MACROH2A2: variants seen among roughly 807,000 people sequenced by gnomAD.
MACROH2A2 encodes macroH2A.2 histone, also known as core histone macro-H2A.2.
MACROH2A2 carries 6 observed loss-of-function variants against 37.6 expected under a neutral mutation model. The observed-to-expected ratio is 0.16, with a 90% confidence interval of 0.09 to 0.32. MACROH2A2 has a LOEUF of 0.32. Among genes scored for constraint, MACROH2A2 ranks in the 10% least tolerant of loss-of-function variants. The probability of loss-of-function intolerance (pLI) is 1.00; values close to 1 mark genes in which losing one functional copy is unlikely to be tolerated. For missense variants in MACROH2A2, 290 were observed against 485.9 expected, an observed-to-expected ratio of 0.60 and a Z score of 3.79; for synonymous variants, 192 against 202.7, an observed-to-expected ratio of 0.95 and a Z score of 0.45.
chr10:70,069,145 G>A (rs1403700129), intron 1 of MACROH2A2, among the ~76,000 whole-genome samples: 1 of 152,200 alleles, frequency 6.6e-6, no homozygotes, highest in African/African-American at 2.4e-5. Context: ...TTTACCCGGT[G>A]TTATATATAA....
rs2071983501 is a variant in MACROH2A2, at chr10:70,052,915, G to T, written c.-145G>T. 6.6e-6 allele frequency: 1 copy of T among 152,668 alleles called. No homozygotes were observed. Among genetic ancestry groups the T allele is most frequent in the South Asian group, 2.1e-4 (1 of 4,832 alleles). 9.5% of individuals were successfully genotyped at this position (152,668 alleles called of 1,614,324 possible). A position where few individuals can be genotyped will look rare whatever the true frequency, so the allele number is the denominator to read the frequency against. ...AAAGAAAGGCAAAGAGTCCTGCCCG[G>T]CACCGGCGCCGCGTGGGCCAAACCT... On this transcript the variant is annotated 5_prime_UTR_variant, in exon 1 of 9. Transcript: ENST00000373255.
Position 70,082,332 on chromosome 10 carries a change from C to T in MACROH2A2, c.172+6502C>T, listed in dbSNP as rs1240206156. Among the ~76,000 whole-genome samples, 4 of 151,686 alleles carry T rather than the reference C, an allele frequency of 2.6e-5. No homozygotes were observed. In the South Asian group the frequency reaches 6.2e-4, roughly 24 times the overall value. On this transcript the variant is annotated intron_variant, in intron 2 of 8. Transcript: ENST00000373255. The stretch of plus-strand genomic sequence containing the variant: ...GCCGGGGAGGCTGAGGCAGAAGAAT[C>T]GCTTGAACCCGGGAGGCGGAGGTTG...
At chr10:70,087,691 C>G (rs934929806) in intron 2 of MACROH2A2, among the ~76,000 whole-genome samples, 12 of 152,234 alleles carry the variant, frequency 7.9e-5, no homozygotes, top group Admixed American at 6.5e-5. Flanking sequence ...CCCTATCCCA[C>G]TGTCCCGACA....
At chr10:70,103,657 C>G (rs767789076) in intron 7 of MACROH2A2, among the ~76,000 whole-genome samples, 2 of 152,196 alleles carry the variant, frequency 1.3e-5, no homozygotes, top group East Asian at 1.9e-4. Flanking sequence ...AATCCAAAAC[C>G]TGGAGTGTTG....
At chr10:70,084,458 G>C (rs184495572) in intron 2 of MACROH2A2, among the ~76,000 whole-genome samples, 231 of 152,292 alleles carry the variant, frequency 1.5e-3, no homozygotes, top group African/African-American at 5.3e-3. Flanking sequence ...AGGCTCAGGC[G>C]GGAGAATCAC....
chr10:70,058,159 AC>A (rs2072028683), intron 1 of MACROH2A2, among the ~76,000 whole-genome samples: 1 of 152,254 alleles, frequency 6.6e-6, no homozygotes, highest in African/African-American at 2.4e-5. Context: ...AGAACTCTGT[AC>A]TTTAAGCTGT....
chr10:70,072,674 T>C (rs10999120), intron 1 of MACROH2A2, among the ~76,000 whole-genome samples: 22,931 of 152,122 alleles, frequency 0.15, 1,907 homozygotes, highest in East Asian at 0.25. Flanking sequence ...GTCACTAGGT[T>C]GGCCAGGTGT....
intron 1 of MACROH2A2, among the ~76,000 whole-genome samples, chr10:70,055,548 G>GAAATAAAATA (rs60686739): frequency 6.6e-6 from 1 of 151,874 alleles, no homozygotes; most frequent in African/African-American, 2.4e-5. Flanking sequence ...GGAAAGAAAT[G>GAAATAAAATA]AAATATAAGG....
Position 70,066,026 on chromosome 10 carries a change from C to T in MACROH2A2, c.-59-9574C>T, listed in dbSNP as rs183386835. Among the ~76,000 whole-genome samples, 13 of 152,272 alleles carry T rather than the reference C, an allele frequency of 8.5e-5. No individual in the cohort carries two copies. In the East Asian group the frequency reaches 2.5e-3, roughly 29 times the overall value. On this transcript the variant is annotated intron_variant, in intron 1 of 8. Coordinates refer to ENST00000373255, the MANE Select transcript of MACROH2A2 (RefSeq NM_018649.3). Reference sequence around the variant, plus strand: ...TTTCTGTAAGAAAACAAAGTTTAGGCCAGATGTGGTGGCTTATGCCTTTAA... The same window carrying T: ...TTTCTGTAAGAAAACAAAGTTTAGGTCAGATGTGGTGGCTTATGCCTTTAA...
Position 70,053,285 on chromosome 10 carries a change from G to A in MACROH2A2, c.-60+285G>A, listed in dbSNP as rs545434064. Among the ~76,000 whole-genome samples, 12 of 152,230 alleles carry A rather than the reference G, an allele frequency of 7.9e-5. No homozygotes were observed. The East Asian group carries it at 2.3e-3, about 30-fold the overall frequency. ...GCGTCGAGGGTACTGAGAGGGGAAGGAGGAGGGATGCGAGGTTCAGCAGCG... is the reference window on the plus strand; with the variant it reads ...GCGTCGAGGGTACTGAGAGGGGAAGAAGGAGGGATGCGAGGTTCAGCAGCG... On this transcript the variant is annotated intron_variant, in intron 1 of 8. Coordinates refer to ENST00000373255, the MANE Select transcript of MACROH2A2 (RefSeq NM_018649.3). This position sits in a 1 kb window ranked among gnomAD's most constrained non-coding sequence, Gnocchi z 4.8.
chr10:70,075,393 G>A lies in MACROH2A2; in HGVS notation c.-59-207G>A, dbSNP rs759605967. 1.3e-4 allele frequency among the ~76,000 whole-genome samples: 20 copies of A among 152,182 alleles called. No individual in the cohort carries two copies. The highest frequency in any genetic ancestry group is 2.4e-4 in the Non-Finnish European group (16 of 68,038). Reference sequence around the variant, plus strand: ...CTCTTGAGGTCAGGCTGCTTTGGTGGGGGAGGGATGTTTGTGGGTGGGCTT... The same window carrying A: ...CTCTTGAGGTCAGGCTGCTTTGGTGAGGGAGGGATGTTTGTGGGTGGGCTT... On this transcript the variant is annotated intron_variant, in intron 1 of 8. Coordinates refer to ENST00000373255, the MANE Select transcript of MACROH2A2 (RefSeq NM_018649.3). The surrounding 1 kb of genome is among the most constrained non-coding windows in gnomAD (Gnocchi z 5.0).
chr10:70,102,947 C>T (rs2072315418), intron 7 of MACROH2A2, among the ~76,000 whole-genome samples: 1 of 149,876 alleles, frequency 6.7e-6, no homozygotes, highest in Non-Finnish European at 1.5e-5. Context: ...CGCCCCAGGC[C>T]TCGGCTCCAG....
In MACROH2A2 at chr10:70,060,649, T is replaced by G. The variant is rs565812270; in HGVS notation, c.-60+7649T>G. Among the ~76,000 whole-genome samples, 8 of 152,310 alleles carry G rather than the reference T, an allele frequency of 5.3e-5. No individual in the cohort carries two copies. The East Asian group carries it at 1.5e-3, about 29-fold the overall frequency. On this transcript the variant is annotated intron_variant, in intron 1 of 8. Coordinates refer to ENST00000373255, the MANE Select transcript of MACROH2A2 (RefSeq NM_018649.3). Reference sequence around the variant, plus strand: ...TAACGGTGCGCCTGCACACCTCTACTCCCATTTGGGAATCTCATCTTGGCT... The same window carrying G: ...TAACGGTGCGCCTGCACACCTCTACGCCCATTTGGGAATCTCATCTTGGCT...
chr10:70,081,539 G>A (rs921774883), intron 2 of MACROH2A2, among the ~76,000 whole-genome samples: 2 of 152,122 alleles, frequency 1.3e-5, no homozygotes, highest in African/African-American at 4.8e-5. Flanking sequence ...CGCGTCAGAG[G>A]CCAAGGGAAG....
At chr10:70,060,088 G>T (rs975917472) in intron 1 of MACROH2A2, among the ~76,000 whole-genome samples, 26 of 152,190 alleles carry the variant, frequency 1.7e-4, no homozygotes, top group African/African-American at 6.3e-4. Context: ...CTGACAGCAG[G>T]GCCAGGTGCG....
chr10:70,109,873 C>T (rs183342980), intron 8 of MACROH2A2, among the ~76,000 whole-genome samples: 2 of 152,340 alleles, frequency 1.3e-5, no homozygotes, highest in Admixed American at 1.3e-4. Flanking sequence ...AGGATATCTG[C>T]TGTCACATAA....
At chr10:70,088,580 A>G (rs1297212984) in intron 2 of MACROH2A2, among the ~76,000 whole-genome samples, 3 of 152,240 alleles carry the variant, frequency 2.0e-5, no homozygotes, top group African/African-American at 7.2e-5. Context: ...CTTCTTATCA[A>G]TGTTTTCACA....
chr10:70,078,380 TGGA>T (rs1272680578), intron 2 of MACROH2A2, among the ~76,000 whole-genome samples: 1 of 152,194 alleles, frequency 6.6e-6, no homozygotes, highest in Non-Finnish European at 1.5e-5. Flanking sequence ...CTGGGCCACG[TGGA>T]GGAGGAGAAG....
intron 1 of MACROH2A2, among the ~76,000 whole-genome samples, chr10:70,058,655 C>T (rs1423900774): frequency 6.6e-6 from 1 of 150,576 alleles, no homozygotes; most frequent in East Asian, 1.9e-4. Flanking sequence ...TATATATATA[C>T]ACACACACAG....
Sources: gnomAD v4.1 joint callset for allele counts (sites outside exome capture counted in the v4.1 genomes callset) on GRCh38, gnomAD v4.1.1 for gene constraint, Gnocchi (gnomAD v3.1) non-coding constraint, MANE v1.5 for transcripts, NCBI Gene and HGNC (gene_info 2026-07-23, HGNC 2026-07-21) for gene names.